Variants in TMEM45A observed in about 807,000 individuals in gnomAD.
The protein encoded by TMEM45A is DNA polymerase-transactivated protein 4.
A neutral mutation model predicts 32.0 loss-of-function variants in TMEM45A; 25 were observed. The ratio of observed to expected loss-of-function variants is 0.78; its 90% CI spans 0.57 to 1.09. TMEM45A has a LOEUF of 1.09. Among genes scored for constraint, TMEM45A ranks in the 50% least tolerant of loss-of-function variants. TMEM45A has a pLI of 0.00. For synonymous variants in TMEM45A, 122 were observed against 114.8 expected (o/e 1.06, Z -0.40); for missense variants, 302 against 325.0 (o/e 0.93, Z 0.54).
At chr3:100,567,628 C>G (rs1045568457) in intron 4 of TMEM45A, among the ~76,000 whole-genome samples, 3 of 150,980 alleles carry the variant, frequency 2.0e-5, no homozygotes, top group African/African-American at 7.3e-5. Flanking sequence ...AGCTTCCAGT[C>G]TATGACTATG....
intron 1 of TMEM45A, among the ~76,000 whole-genome samples, chr3:100,542,226 C>G (rs544834877): frequency 6.6e-6 from 1 of 152,268 alleles, no homozygotes; most frequent in African/African-American, 2.4e-5. Context: ...AGCATTGAAT[C>G]TGTAGATTGC....
chr3:100,573,484 G>A (rs765082445), intron 5 of TMEM45A: 1 of 152,232 alleles, frequency 6.6e-6, no homozygotes, highest in Non-Finnish European at 1.5e-5. Flanking sequence ...TTGCTTATCA[G>A]CTTAAGGAGC....
intron 1 of TMEM45A, among the ~76,000 whole-genome samples, chr3:100,493,801 G>A (rs1212702625): frequency 3.3e-5 from 5 of 152,128 alleles, no homozygotes; most frequent in Non-Finnish European, 7.4e-5. Context: ...GCACGATCTC[G>A]GCTTACTGGA....
intron 1 of TMEM45A, among the ~76,000 whole-genome samples, chr3:100,507,609 T>A (rs1018385242): frequency 1.3e-5 from 2 of 149,354 alleles, no homozygotes; most frequent in African/African-American, 5.2e-5. Flanking sequence ...CCAATGGCTA[T>A]TGTACCATGG....
chr3:100,533,508 C>A (rs1216268734), intron 1 of TMEM45A, among the ~76,000 whole-genome samples: 1 of 152,066 alleles, frequency 6.6e-6, no homozygotes, highest in Non-Finnish European at 1.5e-5. Context: ...CTACACACTC[C>A]TGTTTTTGTG....
chr3:100,528,261 G>A (rs577851502), intron 1 of TMEM45A, among the ~76,000 whole-genome samples: 6 of 152,244 alleles, frequency 3.9e-5, no homozygotes, highest in South Asian at 2.1e-4. Context: ...GGAACCTTTC[G>A]CATCTCTAAG....
At chr3:100,528,243 AT>A (rs1342169595) in intron 1 of TMEM45A, among the ~76,000 whole-genome samples, 1 of 152,132 alleles carries the variant, frequency 6.6e-6, no homozygotes, top group Non-Finnish European at 1.5e-5. Flanking sequence ...TTACTGATGC[AT>A]TTTCTGGGAA....
intron 1 of TMEM45A, among the ~76,000 whole-genome samples, chr3:100,534,171 T>C (rs2077877813): frequency 6.6e-6 from 1 of 152,210 alleles, no homozygotes; most frequent in African/African-American, 2.4e-5. Context: ...TTCATGCTTG[T>C]TAGAGATCCT....
chr3:100,508,630 G>C (rs1053836280), intron 1 of TMEM45A, among the ~76,000 whole-genome samples: 2 of 152,060 alleles, frequency 1.3e-5, no homozygotes, highest in Admixed American at 1.3e-4. Flanking sequence ...AAGTGGAACA[G>C]AATAGAGAAT....
chr3:100,553,300 T>A (rs1706145126), intron 1 of TMEM45A, among the ~76,000 whole-genome samples: 1 of 152,206 alleles, frequency 6.6e-6, no homozygotes, highest in Admixed American at 6.5e-5. Flanking sequence ...TAATTTTTAA[T>A]CCTATTTTTT....
intron 1 of TMEM45A, among the ~76,000 whole-genome samples, chr3:100,526,531 A>C (rs572624771): frequency 6.6e-6 from 1 of 152,290 alleles, no homozygotes; most frequent in South Asian, 2.1e-4. Flanking sequence ...CCTTTTCAAG[A>C]AGTCATTTAT....
At chr3:100,500,241 C>T (rs1160387510) in intron 1 of TMEM45A, among the ~76,000 whole-genome samples, 3 of 152,056 alleles carry the variant, frequency 2.0e-5, no homozygotes, top group Non-Finnish European at 4.4e-5. Flanking sequence ...ATGCATTGTT[C>T]AGACCTTGTT....
At chr3:100,500,935 G>T (rs963240382) in intron 1 of TMEM45A, among the ~76,000 whole-genome samples, 2 of 152,174 alleles carry the variant, frequency 1.3e-5, no homozygotes, top group Non-Finnish European at 2.9e-5. Flanking sequence ...TAGTAGATGA[G>T]AAAATTGATT....
chr3:100,566,174 G>A (rs1226639817), intron 4 of TMEM45A, among the ~76,000 whole-genome samples: 3 of 151,902 alleles, frequency 2.0e-5, no homozygotes, highest in Non-Finnish European at 2.9e-5. Flanking sequence ...ATCAGTTTTT[G>A]AATATTTGGG....
At chr3:100,571,981 T>G (rs1457238859) in intron 5 of TMEM45A, 1 of 152,238 alleles carries the variant, frequency 6.6e-6, no homozygotes, top group Non-Finnish European at 1.5e-5. Context: ...TGCCACATTT[T>G]CTTAATCCAA....
At position 100,554,562 on chromosome 3, in the gene TMEM45A, T is replaced by C. The variant is rs1311297158; in HGVS notation, c.-3-647T>C. Among the ~76,000 whole-genome samples the C allele has an allele frequency of 3.9e-5, 6 of 152,294 alleles. No individual in the cohort carries two copies. In the South Asian group the frequency reaches 8.3e-4, roughly 21 times the overall value. On this transcript the variant is annotated intron_variant, in intron 1 of 5. Coordinates refer to ENST00000323523, the MANE Select transcript of TMEM45A (RefSeq NM_018004.3). ...ACTAAAAACATGGGCCCAATCTAAC[T>C]GGAGGGAGAGGCTGGGAAAGAGTGG...
intron 1 of TMEM45A, among the ~76,000 whole-genome samples, chr3:100,501,798 C>T (rs531460031): frequency 2.8e-4 from 42 of 152,232 alleles, no homozygotes; most frequent in African/African-American, 9.6e-4. Context: ...TCTCAATGAC[C>T]TAAAAGTATA....
intron 1 of TMEM45A, among the ~76,000 whole-genome samples, chr3:100,504,454 C>T (rs1440126600): frequency 1.3e-5 from 2 of 152,162 alleles, no homozygotes; most frequent in African/African-American, 4.8e-5. Context: ...AACCTATGCA[C>T]CACAGAGTGG....
intron 1 of TMEM45A, among the ~76,000 whole-genome samples, chr3:100,527,463 C>G (rs1407398592): frequency 6.6e-6 from 1 of 152,102 alleles, no homozygotes; most frequent in Non-Finnish European, 1.5e-5. Context: ...TGCTCAGAAC[C>G]AGTAAAAATC....
Sources: gnomAD v4.1 joint callset for allele counts (sites outside exome capture counted in the v4.1 genomes callset) on GRCh38, gnomAD v4.1.1 for gene constraint, MANE v1.5 for transcripts, NCBI Gene and HGNC (gene_info 2026-07-23, HGNC 2026-07-21) for gene names.